Variants in EYS observed in about 807,000 individuals in gnomAD.
The protein encoded by EYS is EGF-like photoreceptor maintenance factor, also known as protein eyes shut homolog.
EYS carries 250 observed loss-of-function variants against 282.1 expected under a neutral mutation model. That is an observed-to-expected ratio of 0.89 (90% CI 0.80 to 0.98). The LOEUF (loss-of-function observed/expected upper bound fraction) is 0.98. Among genes scored for constraint, EYS ranks in the 50% least tolerant of loss-of-function variants. The probability of loss-of-function intolerance (pLI) is 0.00; values close to 1 mark genes in which losing one functional copy is unlikely to be tolerated. For missense variants in EYS, 4,016 were observed against 3,709.0 expected (o/e 1.08, Z -2.15); for synonymous variants, 1,355 against 1,282.9 (o/e 1.06, Z -1.20).
intron 28 of EYS, among the ~76,000 whole-genome samples, chr6:64,434,390 G>A (rs1201518589): frequency 3.9e-5 from 6 of 152,058 alleles, no homozygotes; most frequent in South Asian, 2.1e-4. Flanking sequence ...TAAGTTTTAC[G>A]ATGATTAGAT....
intron 2 of EYS, among the ~76,000 whole-genome samples, chr6:65,524,457 C>T (rs1767484506): frequency 6.6e-6 from 1 of 152,174 alleles, no homozygotes; most frequent in Admixed American, 6.5e-5. Flanking sequence ...CATTTCCACT[C>T]TCTAAATGTT....
chr6:65,412,915 C>T (rs1301643113), intron 5 of EYS, among the ~76,000 whole-genome samples: 1 of 152,056 alleles, frequency 6.6e-6, no homozygotes, highest in Non-Finnish European at 1.5e-5. Flanking sequence ...TCCTCATAAG[C>T]TTGACCCCAA....
chr6:64,241,365 A>T (rs1316492990), intron 30 of EYS, among the ~76,000 whole-genome samples: 1 of 152,076 alleles, frequency 6.6e-6, no homozygotes, highest in Non-Finnish European at 1.5e-5. Context: ...CCATGAACCC[A>T]TCTGGTTTTG....
intron 35 of EYS, among the ~76,000 whole-genome samples, chr6:63,943,818 T>C (rs1765310746): frequency 6.6e-6 from 1 of 152,204 alleles, no homozygotes; most frequent in Non-Finnish European, 1.5e-5. Flanking sequence ...TTGCTTTTGC[T>C]TACCTAGTTT....
intron 5 of EYS, among the ~76,000 whole-genome samples, chr6:65,438,625 T>C (rs1203757389): frequency 1.3e-5 from 2 of 152,186 alleles, no homozygotes; most frequent in African/African-American, 4.8e-5. Flanking sequence ...GAGCATTTTT[T>C]TCATGTGTCT....
intron 34 of EYS, among the ~76,000 whole-genome samples, chr6:63,987,449 C>T (rs1373111098): frequency 6.6e-6 from 1 of 151,690 alleles, no homozygotes; most frequent in Admixed American, 6.6e-5. Context: ...TAAGTTGCTA[C>T]TTGATTTCTA....
chr6:64,880,554 A>G (rs1037899807), intron 19 of EYS, among the ~76,000 whole-genome samples: 2 of 151,574 alleles, frequency 1.3e-5, no homozygotes, highest in Middle Eastern at 3.4e-3. Flanking sequence ...CCAATATATT[A>G]TAGGCATCTT....
intron 33 of EYS, among the ~76,000 whole-genome samples, chr6:63,999,651 G>A (rs4710458): frequency 0.27 from 40,903 of 152,098 alleles, 6,203 homozygotes; most frequent in Middle Eastern, 0.35. Flanking sequence ...GCATACCCCT[G>A]AGCAGAGAGA....
intron 12 of EYS, among the ~76,000 whole-genome samples, chr6:65,159,932 G>C (rs1764813410): frequency 6.6e-6 from 1 of 151,008 alleles, no homozygotes; most frequent in African/African-American, 2.4e-5. Context: ...TTAGAAATGA[G>C]AGTAACGAAG....
chr6:64,703,769 T>C (rs1770877876), intron 22 of EYS, among the ~76,000 whole-genome samples: 1 of 152,076 alleles, frequency 6.6e-6, no homozygotes, highest in African/African-American at 2.4e-5. Flanking sequence ...AAATGACAAA[T>C]TGTGAAACAA....
At chr6:64,046,623 G>A (rs1770635328) in intron 33 of EYS, among the ~76,000 whole-genome samples, 1 of 152,002 alleles carries the variant, frequency 6.6e-6, no homozygotes, top group Admixed American at 6.6e-5. Context: ...TGTCCTGGTA[G>A]GGGAATAGTA....
At chr6:64,088,340 A>T (rs1238255951) in intron 31 of EYS, among the ~76,000 whole-genome samples, 1 of 152,114 alleles carries the variant, frequency 6.6e-6, no homozygotes, top group East Asian at 1.9e-4. Flanking sequence ...AGTATACTAT[A>T]TTACTTATAG....
At chr6:65,509,131 G>A (rs1766772209) in intron 2 of EYS, among the ~76,000 whole-genome samples, 1 of 152,180 alleles carries the variant, frequency 6.6e-6, no homozygotes, top group Non-Finnish European at 1.5e-5. Flanking sequence ...TAAACAGAAA[G>A]AACATACATC....
intron 12 of EYS, among the ~76,000 whole-genome samples, chr6:65,231,069 T>TTA (rs200311682): frequency 8.3e-5 from 12 of 144,910 alleles, no homozygotes; most frequent in Non-Finnish European, 1.5e-4. Flanking sequence ...ATATGTACTT[T>TTA]TATATATATA....
intron 11 of EYS, among the ~76,000 whole-genome samples, chr6:65,313,045 G>A (rs1017184052): frequency 1.3e-5 from 2 of 152,078 alleles, no homozygotes; most frequent in East Asian, 3.9e-4. Flanking sequence ...CCAGCAACAC[G>A]GACACAAAGG....
At chr6:65,146,235 A>G (rs891423028) in intron 12 of EYS, among the ~76,000 whole-genome samples, 6 of 147,658 alleles carry the variant, frequency 4.1e-5, no homozygotes, top group Non-Finnish European at 9.1e-5. Context: ...TATTTGTAAG[A>G]AAACATTTTT....
chr6:64,925,080 G>T (rs1768473121), intron 15 of EYS, among the ~76,000 whole-genome samples: 1 of 152,126 alleles, frequency 6.6e-6, no homozygotes. Flanking sequence ...GGAAGAAAAA[G>T]AGGCTTAATT....
chr6:63,996,030 CATGTATCA>C (rs138231994), intron 34 of EYS, among the ~76,000 whole-genome samples: 40,622 of 151,552 alleles, frequency 0.27, 6,075 homozygotes, highest in Middle Eastern at 0.34. Flanking sequence ...ACAAAGTATA[CATGTATCA>C]AAACACTACA....
At chr6:64,962,135 G>C (rs914535272) in intron 14 of EYS, among the ~76,000 whole-genome samples, 1 of 151,718 alleles carries the variant, frequency 6.6e-6, no homozygotes, top group Non-Finnish European at 1.5e-5. Flanking sequence ...TTCTATTCTA[G>C]TTGCTATTCT....
Sources: gnomAD v4.1 joint callset for allele counts (sites outside exome capture counted in the v4.1 genomes callset) on GRCh38, gnomAD v4.1.1 for gene constraint, MANE v1.5 for transcripts, NCBI Gene and HGNC (gene_info 2026-07-23, HGNC 2026-07-21) for gene names.